Variants in ZNF385C observed in about 807,000 individuals in gnomAD.
ZNF385C encodes CTD-2132N18.2.
Under a neutral mutation model 35.4 loss-of-function variants are expected in ZNF385C, and 28 were observed. The observed-to-expected ratio is 0.79, with a 90% CI of 0.59 to 1.08. The LOEUF is 1.08. Ranked by LOEUF, ZNF385C falls within the 50% of genes least tolerant of loss-of-function variation. The probability of loss-of-function intolerance (pLI) is 0.00; values close to 1 mark genes in which losing one functional copy is unlikely to be tolerated. For missense variants in ZNF385C, 605 were observed against 595.6 expected (o/e 1.02, Z -0.16); for synonymous variants, 248 against 248.2 (o/e 1.00, Z 0.01).
intron 2 of ZNF385C, chr17:42,062,018 G>A (rs1325476290): frequency 6.5e-6 from 1 of 152,770 alleles, no homozygotes; most frequent in Non-Finnish European, 1.5e-5. Context: ...TGAGGTCAGA[G>A]TGTAGCCTCC....
intron 3 of ZNF385C, 122 bp downstream of exon 3, chr17:42,037,615 G>A: frequency 8.1e-7 from 1 of 1,238,076 alleles, no homozygotes; most frequent in South Asian, 1.7e-5. Flanking sequence ...TCCCCTCTGG[G>A]GGATGTTGGA....
chr17:42,077,675 C>A (rs2053699351), intron 1 of ZNF385C, among the ~76,000 whole-genome samples: 1 of 152,222 alleles, frequency 6.6e-6, no homozygotes, highest in African/African-American at 2.4e-5. Flanking sequence ...CCCGGCCCAG[C>A]CAGCAGCTTC....
At chr17:42,090,443 C>G (rs111489503) in intron 1 of ZNF385C, among the ~76,000 whole-genome samples, 15 of 151,678 alleles carry the variant, frequency 9.9e-5, no homozygotes, top group Non-Finnish European at 2.1e-4. Context: ...TGCGCCATCA[C>G]GCACTAATTT....
At chr17:42,085,577 A>G (rs9797183) in intron 1 of ZNF385C, among the ~76,000 whole-genome samples, 1 of 148,206 alleles carries the variant, frequency 6.7e-6, no homozygotes, top group African/African-American at 2.5e-5. Context: ...TGAGCCGCCA[A>G]GCTGGGCCTC....
chr17:42,062,078 C>T (rs1158755143), intron 2 of ZNF385C: 1 of 152,894 alleles, frequency 6.5e-6, no homozygotes, highest in Non-Finnish European at 1.5e-5. Context: ...TGGCCTCCCC[C>T]AGGAGCCAGG....
At chr17:42,088,254 G>A (rs377200248) in intron 1 of ZNF385C, among the ~76,000 whole-genome samples, 8 of 152,206 alleles carry the variant, frequency 5.3e-5, no homozygotes, top group South Asian at 2.1e-4. Context: ...CTGAGGACCC[G>A]GAGAGGAAGA....
chr17:42,047,293 A>G (rs1475128005), intron 2 of ZNF385C, among the ~76,000 whole-genome samples: 1 of 151,884 alleles, frequency 6.6e-6, no homozygotes, highest in Non-Finnish European at 1.5e-5. Context: ...CAGCCTCCCA[A>G]AGTGCTGGGA....
At chr17:42,062,701 A>G (rs1401231834) in intron 2 of ZNF385C, 106 bp downstream of exon 2, 4 of 428,934 alleles carry the variant, frequency 9.3e-6, no homozygotes, top group Non-Finnish European at 1.6e-5. Flanking sequence ...CCCAGACGCA[A>G]AGACCCCCAT....
chr17:42,034,432 G>A, intron 3 of ZNF385C, 97 bp from the exon 4 acceptor site: 1 of 799,420 alleles, frequency 1.3e-6, no homozygotes, highest in Non-Finnish European at 2.0e-6. Context: ...GATGACTGAA[G>A]AGGGCCTTGG....
chr17:42,061,589 G>C (rs2053463211), intron 2 of ZNF385C: 1 of 152,208 alleles, frequency 6.6e-6, no homozygotes, highest in Admixed American at 6.6e-5. Context: ...ATACTCTCTT[G>C]CTCAGAGTCA....
chr17:42,088,810 G>A (rs1421687663), intron 1 of ZNF385C, among the ~76,000 whole-genome samples: 1 of 152,152 alleles, frequency 6.6e-6, no homozygotes, highest in African/African-American at 2.4e-5. Context: ...ATCCTGGGGA[G>A]TGGGACAGAG....
Position 42,026,044 on chromosome 17 carries a change from A to T in ZNF385C, c.*853T>A, listed in dbSNP as rs2052571326. On this transcript the variant is annotated 3_prime_UTR_variant, in exon 9 of 9. Transcript: ENST00000692273. The stretch of plus-strand genomic sequence containing the variant: ...GGGTTCAGGAAGTCAGAGAAAGGCT[A>T]AGAAGAAGAGCTTCTGAGGGATGAG... 6.6e-6 allele frequency: 1 copy of T among 152,010 alleles called. No homozygotes were observed. The highest frequency in any genetic ancestry group is 1.5e-5 in the Non-Finnish European group (1 of 68,096). The allele number at this position is 152,010 out of a possible 1,614,324, so 9.4% of individuals were successfully genotyped here.
intron 2 of ZNF385C, chr17:42,039,739 C>G (rs1269566565): frequency 8.1e-7 from 1 of 1,232,532 alleles, no homozygotes; most frequent in Admixed American, 4.2e-5. Context: ...GCCCTCTCCC[C>G]ACCCACTCTC....
intron 2 of ZNF385C, among the ~76,000 whole-genome samples, chr17:42,053,209 C>T (rs993352224): frequency 2.5e-4 from 38 of 152,342 alleles, no homozygotes; most frequent in African/African-American, 8.9e-4. Context: ...GTCGCACTGC[C>T]TCCAGGCCCT....
At chr17:42,061,249 C>T (rs1158669939) in intron 2 of ZNF385C, 2 of 103,048 alleles carry the variant, frequency 1.9e-5, no homozygotes, top group Admixed American at 1.3e-4. Flanking sequence ...GAGACAGGGT[C>T]TCACTCTGTC....
intron 5 of ZNF385C, among the ~76,000 whole-genome samples, chr17:42,030,466 A>T (rs1555654891): frequency 6.6e-6 from 1 of 152,126 alleles, no homozygotes; most frequent in Non-Finnish European, 1.5e-5. Flanking sequence ...CCAGCCTGGG[A>T]GACAGAGCGA....
chr17:42,093,020 TCAGTCCTTGCCCCACC>T (rs1450014860), intron 1 of ZNF385C, among the ~76,000 whole-genome samples: 4 of 151,930 alleles, frequency 2.6e-5, no homozygotes, highest in African/African-American at 9.7e-5. Flanking sequence ...ACCTGTGGAG[TCAGTCCTTGCCCCACC>T]CAAGGAAATC....
intron 2 of ZNF385C, among the ~76,000 whole-genome samples, chr17:42,058,240 G>C (rs1299033265): frequency 6.6e-6 from 1 of 152,182 alleles, no homozygotes; most frequent in Non-Finnish European, 1.5e-5. Context: ...GTGAGCAGGA[G>C]AGGGTCCCTG....
rs373965272 is a variant in ZNF385C, at chr17:42,095,784, G to C, written c.-3+2626C>G. Among the ~76,000 whole-genome samples, 1 of 152,232 alleles carries C rather than the reference G, an allele frequency of 6.6e-6. No homozygotes were observed. Among genetic ancestry groups the C allele is most frequent in the East Asian group, 1.9e-4 (1 of 5,186 alleles). ...GTTTTATAGGGGTGCTACTCTACTG[G>C]GGGACAGGGAGAGTGGGGAAGGAAT... On this transcript the variant is annotated intron_variant, in intron 1 of 8. Coordinates refer to ENST00000692273, the MANE Select transcript of ZNF385C (RefSeq NM_001392013.1). The surrounding 1 kb of genome is among the most constrained non-coding windows in gnomAD (Gnocchi z 4.4).
Sources: gnomAD v4.1 joint callset for allele counts (sites outside exome capture counted in the v4.1 genomes callset) on GRCh38, gnomAD v4.1.1 for gene constraint, Gnocchi (gnomAD v3.1) non-coding constraint, MANE v1.5 for transcripts, NCBI Gene and HGNC (gene_info 2026-07-23, HGNC 2026-07-21) for gene names.